Variants in AMBRA1 observed in about 807,000 individuals in gnomAD.
AMBRA1 encodes the protein autophagy and beclin 1 regulator 1, also known as activating molecule in BECN1-regulated autophagy protein 1.
AMBRA1 carries 47 observed loss-of-function variants against 125.4 expected under a neutral mutation model. The observed-to-expected ratio is 0.37, with a 90% CI of 0.30 to 0.48. The LOEUF (loss-of-function observed/expected upper bound fraction) is 0.48, where lower values mean the gene tolerates loss of function less well. AMBRA1 is among the 20% of genes least tolerant of loss of function. AMBRA1 has a pLI of 0.99. For missense variants in AMBRA1, 1,331 were observed against 1,693.4 expected (o/e 0.79, Z 3.76); for synonymous variants, 626 against 655.5 (o/e 0.95, Z 0.69).
At chr11:46,398,948 A>G (rs1565114970) in intron 17 of AMBRA1, among the ~76,000 whole-genome samples, 1 of 150,430 alleles carries the variant, frequency 6.6e-6, no homozygotes, top group Admixed American at 6.6e-5. Flanking sequence ...TCATTTTTGT[A>G]TTTTTAGTAG....
intron 1 of AMBRA1, among the ~76,000 whole-genome samples, chr11:46,585,018 T>A (rs1278465812): frequency 1.3e-5 from 2 of 151,808 alleles, no homozygotes; most frequent in African/African-American, 4.8e-5. Context: ...GTTGCTGAGA[T>A]CACACCACTC....
Position 46,508,248 on chromosome 11 carries a change from G to A in AMBRA1, c.2282C>T (p.Ser761Phe). 6.2e-7 allele frequency: 1 copy of A among 1,614,216 alleles called. No homozygotes were observed. Among genetic ancestry groups the A allele is most frequent in the South Asian group, 1.1e-5 (1 of 91,086 alleles). The change falls in exon 9 of 18, where the codon TCC (serine) becomes TTC (phenylalanine). Residue 761 changes from serine to phenylalanine, a missense_variant. Physicochemically the swap from Ser to Phe is radical, Grantham distance 155 (BLOSUM62 -2). Around this residue, in one of 4 missense-constraint regions of AMBRA1, gnomAD observed 689 missense variants for 776.5 expected, o/e 0.89. Coordinates refer to ENST00000683756, the MANE Select transcript of AMBRA1 (RefSeq NM_001387011.1). ...NRLRSSTSSS[S>F]SDNQGPSVEG... ...TACTGATGGACCCTGGTTGTCTGAG[G>A]AAGAGGAGGAGGTGGAAGAACGGAG...
intron 17 of AMBRA1, 66 bp downstream of exon 17, chr11:46,408,447 G>T: frequency 7.2e-7 from 1 of 1,394,008 alleles, no homozygotes. Context: ...CATCCTGAGT[G>T]GGAAGTGGCA....
In AMBRA1 at chr11:46,474,545, C is replaced by T. The variant is rs1039845743; in HGVS notation, c.2521+19063G>A. 8.5e-5 allele frequency among the ~76,000 whole-genome samples: 13 copies of T among 152,256 alleles called. No homozygotes were observed. In the East Asian group the frequency reaches 9.7e-4, roughly 11 times the overall value. ...CTGGGACTACAGGCACGTGACACCA[C>T]GCCTGGCTGACTTCGTATTTTTAGT... On this transcript the variant is annotated intron_variant, in intron 11 of 17. Transcript: ENST00000683756.
intron 15 of AMBRA1, among the ~76,000 whole-genome samples, chr11:46,412,170 C>T (rs905059372): frequency 2.6e-5 from 4 of 152,180 alleles, no homozygotes; most frequent in Admixed American, 6.5e-5. Flanking sequence ...TTCCAAGACC[C>T]CCTGTGGATA....
chr11:46,418,000 C>T lies in AMBRA1; in HGVS notation c.3029G>A (p.Ser1010Asn), dbSNP rs1315401786. ...PMPADQRRHV[S>N]INSARWLPEP... Reference sequence around the variant, plus strand: ...AGGCAGCCAACGGGCAGAGTTGATACTGACATGTCTCCGCTGGTCGGCAGG... The same window carrying T: ...AGGCAGCCAACGGGCAGAGTTGATATTGACATGTCTCCGCTGGTCGGCAGG... The change falls in exon 15 of 18, where the codon AGT becomes AAT. Residue 1010 changes from serine (S) to asparagine (N), a missense_variant. Transcript: ENST00000683756. 1 of 1,608,830 alleles carries T rather than the reference C, an allele frequency of 6.2e-7. No homozygotes were observed. The highest frequency in any genetic ancestry group is 2.2e-5 in the East Asian group (1 of 44,778).
At chr11:46,499,651 ATTTTTCTTT>A (rs1413693455) in intron 9 of AMBRA1, among the ~76,000 whole-genome samples, 3 of 151,558 alleles carry the variant, frequency 2.0e-5, no homozygotes, top group Non-Finnish European at 2.9e-5. Context: ...TACAGGGGAA[ATTTTTCTTT>A]TTTTTCTTTT....
intron 17 of AMBRA1, among the ~76,000 whole-genome samples, chr11:46,404,084 G>C (rs1358689196): frequency 1.3e-5 from 2 of 152,194 alleles, no homozygotes; most frequent in African/African-American, 4.8e-5. Flanking sequence ...CGTGTGCCAG[G>C]AGGCTGAGGT....
chr11:46,517,763 A>T (rs1951564945), intron 7 of AMBRA1, among the ~76,000 whole-genome samples: 1 of 149,160 alleles, frequency 6.7e-6, no homozygotes. Context: ...CCCGGGAGGC[A>T]GAGGTTGCAG....
intron 11 of AMBRA1, among the ~76,000 whole-genome samples, chr11:46,480,182 A>G (rs914546185): frequency 4.6e-5 from 7 of 152,166 alleles, no homozygotes; most frequent in African/African-American, 1.7e-4. Flanking sequence ...TAATCTTCCC[A>G]CCTCAAGATC....
rs191642168 is a variant in AMBRA1, at chr11:46,493,546, A to G, written c.2521+62T>C. 9.7e-6 allele frequency: 13 copies of G among 1,342,742 alleles called. No homozygotes were observed. In the Admixed American group the frequency reaches 1.1e-4, roughly 11 times the overall value. 83.2% of individuals were successfully genotyped at this position (1,342,742 alleles called of 1,614,324 possible). On this transcript the variant is annotated intron_variant, in intron 11 of 17. Transcript: ENST00000683756. The stretch of plus-strand genomic sequence containing the variant: ...TCACATCAACATAGGTAAAGGAGGG[A>G]GAAGCTTTATCTGGCTCCTTGGCCC...
At chr11:46,443,688 G>A (rs1302346227) in intron 11 of AMBRA1, 90 bp from the exon 12 acceptor site, 1 of 1,082,494 alleles carries the variant, frequency 9.2e-7, no homozygotes, top group African/African-American at 1.6e-5. Context: ...TTAGTAGTGG[G>A]GAGAGAAGAG....
chr11:46,487,482 A>G (rs1950307032), intron 11 of AMBRA1, among the ~76,000 whole-genome samples: 1 of 152,176 alleles, frequency 6.6e-6, no homozygotes, highest in South Asian at 2.1e-4. Flanking sequence ...AAAAGATTGT[A>G]TTAATCAATA....
intron 14 of AMBRA1, chr11:46,428,755 C>T: frequency 2.5e-6 from 4 of 1,610,560 alleles, no homozygotes; most frequent in Non-Finnish European, 2.5e-6. Flanking sequence ...CACCAGGTGG[C>T]ACAGCACTCC....
chr11:46,433,767 G>T, intron 13 of AMBRA1, 139 bp from the exon 14 acceptor site: 1 of 877,584 alleles, frequency 1.1e-6, no homozygotes, highest in Non-Finnish European at 1.7e-6. Context: ...GGACTGTAGT[G>T]AGGAGTATGA....
At chr11:46,549,459 T>C (rs951670151) in intron 1 of AMBRA1, among the ~76,000 whole-genome samples, 1 of 152,228 alleles carries the variant, frequency 6.6e-6, no homozygotes, top group East Asian at 1.9e-4. Flanking sequence ...GATAGAGATA[T>C]GGTTACATTG....
intron 11 of AMBRA1, among the ~76,000 whole-genome samples, chr11:46,488,701 C>G (rs967505851): frequency 6.6e-6 from 1 of 152,106 alleles, no homozygotes; most frequent in Non-Finnish European, 1.5e-5. Context: ...AGCCTATATA[C>G]TAAGCCATAA....
chr11:46,452,625 C>T (rs906824356), intron 11 of AMBRA1, among the ~76,000 whole-genome samples: 4 of 152,216 alleles, frequency 2.6e-5, no homozygotes, highest in African/African-American at 7.2e-5. Flanking sequence ...CTAGGAAGAA[C>T]ACTTAATCTT....
At position 46,417,787 on chromosome 11, in the gene AMBRA1, G is replaced by A. The variant is rs746608358; in HGVS notation, c.3116+126C>T. 41 of 1,171,692 alleles carry A rather than the reference G, an allele frequency of 3.5e-5. No individual in the cohort carries two copies. In the South Asian group the frequency reaches 4.0e-4, roughly 12 times the overall value. 72.6% of individuals were successfully genotyped at this position (1,171,692 alleles called of 1,614,324 possible). ...GGAAGAGGGCCCTTTAAGGAGTGGC[G>A]CTGAGAATGAGGCAGGCTCTAGATG... On this transcript the variant is annotated intron_variant, in intron 15 of 17. Coordinates refer to ENST00000683756, the MANE Select transcript of AMBRA1 (RefSeq NM_001387011.1).
Sources: gnomAD v4.1 joint callset for allele counts (sites outside exome capture counted in the v4.1 genomes callset) on GRCh38, gnomAD v4.1.1 for gene constraint, gnomAD v4.1.1 regional missense constraint, MANE v1.5 for transcripts, NCBI Gene and HGNC (gene_info 2026-07-23, HGNC 2026-07-21) for gene names.